The following MARCHF8 variants were observed in gnomAD, a reference collection of about 807,000 sequenced individuals.
MARCHF8 encodes the protein E3 ubiquitin-protein ligase MARCHF8.
A neutral mutation model predicts 51.6 loss-of-function variants in MARCHF8; 40 were observed. The ratio of observed to expected loss-of-function variants is 0.77; its 90% confidence interval spans 0.60 to 1.01. The LOEUF (loss-of-function observed/expected upper bound fraction) is 1.01. Ranked by LOEUF, MARCHF8 falls within the 50% of genes least tolerant of loss-of-function variation. The pLI, the probability that MARCHF8 is intolerant of heterozygous loss-of-function variation, is 0.00. For synonymous variants in MARCHF8, 263 were observed against 280.3 expected (o/e 0.94, Z 0.62); for missense variants, 685 against 708.6 (o/e 0.97, Z 0.38).
At chr10:45,541,751 G>T (rs867216243) in intron 1 of MARCHF8, among the ~76,000 whole-genome samples, 4 of 152,284 alleles carry the variant, frequency 2.6e-5, no homozygotes, top group Middle Eastern at 3.4e-3. Context: ...GGGAGGATGG[G>T]AAGAGGGAAC....
At position 45,493,261 on chromosome 10, in the gene MARCHF8, A is replaced by G. The variant is rs146363110; in HGVS notation, c.103-3844T>C. On this transcript the variant is annotated intron_variant, in intron 2 of 7. Transcript: ENST00000453424. ...AGTGGAATTAGACATACCAAGGAGA[A>G]AAAAGTTCCAGTTCAAGCCCAAACT... Among the ~76,000 whole-genome samples, 1,221 of 152,334 alleles carry G rather than the reference A, an allele frequency of 8.0e-3. 11 individuals are homozygous for G. Among genetic ancestry groups the G allele is most frequent in the Admixed American group, 0.017 (266 of 15,300 alleles).
intron 2 of MARCHF8, among the ~76,000 whole-genome samples, chr10:45,510,152 A>AGAGAGAAGGCCATGTCAAGACATG (rs1490644781): frequency 6.6e-6 from 1 of 152,184 alleles, no homozygotes; most frequent in Non-Finnish European, 1.5e-5. Context: ...GCTTGTGCAC[A>AGAGAGAAGGCCATGTCAAGACATG]GAGAGAAGGC....
intron 1 of MARCHF8, among the ~76,000 whole-genome samples, chr10:45,593,909 T>C (rs145900341): frequency 1.6e-4 from 24 of 152,316 alleles, no homozygotes; most frequent in African/African-American, 5.5e-4. Context: ...CTCAACTCCA[T>C]ACAGAGCTCC....
intron 1 of MARCHF8, among the ~76,000 whole-genome samples, chr10:45,550,210 GA>G (rs2044179291): frequency 2.0e-5 from 3 of 152,082 alleles, no homozygotes; most frequent in African/African-American, 7.2e-5. Context: ...ATAATACGGG[GA>G]AAAAGGTGCT....
At chr10:45,486,308 G>A (rs2042977944) in intron 3 of MARCHF8, among the ~76,000 whole-genome samples, 2 of 152,216 alleles carry the variant, frequency 1.3e-5, no homozygotes, top group Admixed American at 1.3e-4. Flanking sequence ...GCTCACGCCT[G>A]TAATCCTAGC....
intron 1 of MARCHF8, among the ~76,000 whole-genome samples, chr10:45,591,980 T>C (rs1195114849): frequency 6.6e-6 from 1 of 152,188 alleles, no homozygotes. Flanking sequence ...TCCATAGCAT[T>C]TGTACCTCTT....
chr10:45,585,351 C>G (rs2044607208), intron 1 of MARCHF8, among the ~76,000 whole-genome samples: 1 of 152,076 alleles, frequency 6.6e-6, no homozygotes, highest in Non-Finnish European at 1.5e-5. Context: ...ATCAGTACTA[C>G]AAAGGACAAA....
Position 45,514,992 on chromosome 10 carries a change from G to T in MARCHF8, c.102+18118C>A, listed in dbSNP as rs184706901. Among the ~76,000 whole-genome samples the T allele has an allele frequency of 5.3e-5, 8 of 152,242 alleles. No individual in the cohort carries two copies. The East Asian group carries it at 1.4e-3, about 26-fold the overall frequency. ...TTCCTGCAGACCATCATCACAGGGT[G>T]GGGGAGGGGAGCTCTGCGTATCAAT... is the stretch of plus-strand genomic sequence containing the variant. On this transcript the variant is annotated intron_variant, in intron 2 of 7. Transcript: ENST00000453424.
At chr10:45,588,689 A>C (rs2044644026) in intron 1 of MARCHF8, among the ~76,000 whole-genome samples, 1 of 152,236 alleles carries the variant, frequency 6.6e-6, no homozygotes, top group Admixed American at 6.5e-5. Flanking sequence ...TGTGGTTAAC[A>C]AAATAATGAA....
At chr10:45,515,100 G>A (rs1564496613) in intron 2 of MARCHF8, among the ~76,000 whole-genome samples, 1 of 152,128 alleles carries the variant, frequency 6.6e-6, no homozygotes, top group African/African-American at 2.4e-5. Context: ...TATTCTTCTA[G>A]GAAGTACATG....
intron 2 of MARCHF8, among the ~76,000 whole-genome samples, chr10:45,520,836 G>A (rs182071193): frequency 2.0e-4 from 30 of 152,184 alleles, no homozygotes; most frequent in African/African-American, 7.2e-4. Flanking sequence ...AATATAATTG[G>A]AATATTTTCT....
At chr10:45,542,150 C>G (rs1007967027) in intron 1 of MARCHF8, among the ~76,000 whole-genome samples, 9 of 152,010 alleles carry the variant, frequency 5.9e-5, no homozygotes, top group Non-Finnish European at 8.8e-5. Flanking sequence ...TTGAGACCAT[C>G]CTGGCTAACA....
intron 3 of MARCHF8, among the ~76,000 whole-genome samples, chr10:45,485,721 G>A (rs1268149498): frequency 6.6e-6 from 1 of 152,052 alleles, no homozygotes; most frequent in Non-Finnish European, 1.5e-5. Context: ...CTAAATTTAC[G>A]CCAGCAAGAG....
chr10:45,537,892 G>C (rs984226857), upstream of MARCHF8, among the ~76,000 whole-genome samples: 2 of 152,140 alleles, frequency 1.3e-5, no homozygotes, highest in African/African-American at 4.8e-5. Flanking sequence ...GCTGGTTGCA[G>C]AACTTTCGAG....
intron 2 of MARCHF8, among the ~76,000 whole-genome samples, chr10:45,523,387 G>A (rs1166007367): frequency 1.3e-5 from 2 of 152,168 alleles, no homozygotes; most frequent in Non-Finnish European, 2.9e-5. Context: ...AGCCACATGT[G>A]ATGGTGTATG....
At chr10:45,587,434 C>T (rs985579911) in intron 1 of MARCHF8, among the ~76,000 whole-genome samples, 6 of 152,016 alleles carry the variant, frequency 3.9e-5, no homozygotes, top group Non-Finnish European at 8.8e-5. Flanking sequence ...AATTAAAGAA[C>T]TAAATAAATG....
In MARCHF8 at chr10:45,533,102, C is replaced by T; in HGVS notation, c.102+8G>A. ...ATAATGAAACTAAAAAAGATACTCT[C>T]CCAGTACCTGTTCTTCCCTCTCCTT... On this transcript the variant is annotated splice_region_variant and intron_variant, in intron 2 of 7. Transcript: ENST00000453424. 1 of 1,597,460 alleles carries T rather than the reference C, an allele frequency of 6.3e-7. No individual in the cohort carries two copies. Among genetic ancestry groups the T allele is most frequent in the Non-Finnish European group, 8.5e-7 (1 of 1,174,048 alleles).
intron 3 of MARCHF8, among the ~76,000 whole-genome samples, chr10:45,482,296 C>T (rs1052006540): frequency 6.6e-6 from 1 of 152,124 alleles, no homozygotes; most frequent in Non-Finnish European, 1.5e-5. Context: ...TCATTTTACA[C>T]AGAAACAGAA....
intron 1 of MARCHF8, among the ~76,000 whole-genome samples, chr10:45,562,132 G>C (rs2044317942): frequency 6.6e-6 from 1 of 152,022 alleles, no homozygotes; most frequent in Admixed American, 6.6e-5. Flanking sequence ...AAACACTAAA[G>C]AGATTAAGGG....
Sources: gnomAD v4.1 joint callset for allele counts (sites outside exome capture counted in the v4.1 genomes callset) on GRCh38, gnomAD v4.1.1 for gene constraint, MANE v1.5 for transcripts, NCBI Gene and HGNC (gene_info 2026-07-23, HGNC 2026-07-21) for gene names.